DZIP1: variants seen among roughly 807,000 people sequenced by gnomAD.
The protein encoded by DZIP1 is DAZ interacting zinc finger protein 1.
A neutral mutation model predicts 107.6 loss-of-function variants in DZIP1; 97 were observed. The observed-to-expected ratio is 0.90, with a 90% CI of 0.77 to 1.07. The LOEUF (loss-of-function observed/expected upper bound fraction) is 1.07. Ranked by LOEUF, DZIP1 falls within the 50% of genes least tolerant of loss-of-function variation. The pLI is 0.00. For synonymous variants in DZIP1, 390 were observed against 386.4 expected (o/e 1.01, Z -0.11); for missense variants, 1,035 against 1,063.6 (o/e 0.97, Z 0.37).
chr13:95,610,111 T>TGTGTGTGTGTGAGAGAGA lies in DZIP1; in HGVS notation c.1364-599_1364-598insTCTCTCTCACACACACAC, dbSNP rs368276400. Among the ~76,000 whole-genome samples the TGTGTGTGTGTGAGAGAGA allele has an allele frequency of 1.0e-4, 13 of 126,770 alleles. 1 individual carries two copies. Among genetic ancestry groups the TGTGTGTGTGTGAGAGAGA allele is most frequent in the African/African-American group, 2.9e-4 (10 of 34,296 alleles). The allele number at this position is 126,770 out of a possible 152,430, so 83.2% of individuals were successfully genotyped here. A position where few individuals can be genotyped will look rare whatever the true frequency, so the allele number is the denominator to read the frequency against. Reference sequence around the variant, plus strand: ...GTGTGTGTGTGTGTGTGTGTGTGTGTGAGAGAGAGACAGAGAGAGAGAGAC... The same window carrying TGTGTGTGTGTGAGAGAGA: ...GTGTGTGTGTGTGTGTGTGTGTGTGTGTGTGTGTGTGAGAGAGAGAGAGAGAGACAGAGAGAGAGAGAC... On this transcript the variant is annotated intron_variant, in intron 12 of 22. Transcript: ENST00000376829.
At position 95,641,320 on chromosome 13, in the gene DZIP1, A is replaced by G. The variant is rs1878457748; in HGVS notation, c.572T>C (p.Ile191Thr). The G allele has an allele frequency of 6.3e-7, 1 of 1,599,644 alleles. No homozygotes were observed. Among genetic ancestry groups the G allele is most frequent in the Non-Finnish European group, 8.6e-7 (1 of 1,169,364 alleles). ...KKMISTQQLM[I>T]EAKANYYQCH... ...CTGGTAATAGTTGGCTTTGGCCTCG[A>G]TCATCAGCTGCTGGGTGGAGATCAT... Residue 191 changes from isoleucine to threonine, a missense_variant, in exon 5 of 23, where the codon ATC becomes ACC. Ile to Thr is a moderately conservative substitution (Grantham distance 89). Coordinates refer to ENST00000376829, the MANE Select transcript of DZIP1 (RefSeq NM_198968.4). This position sits in a 1 kb window ranked among gnomAD's most constrained non-coding sequence, Gnocchi z 4.3.
chr13:95,595,752 C>T (rs1253362566), intron 15 of DZIP1, among the ~76,000 whole-genome samples: 15 of 151,934 alleles, frequency 9.9e-5, no homozygotes, highest in Non-Finnish European at 4.4e-5. Context: ...ACTCTTTTGG[C>T]CAATATCTCA....
At chr13:95,587,876 G>C (rs2044205885) in intron 19 of DZIP1, 147 bp from the exon 20 acceptor site, 1 of 982,706 alleles carries the variant, frequency 1.0e-6, no homozygotes, top group Non-Finnish European at 1.5e-6. Context: ...GGCCAAGATG[G>C]CGGCGAGGCC....
chr13:95,612,745 T>A (rs1047443069), intron 10 of DZIP1, among the ~76,000 whole-genome samples: 4 of 152,048 alleles, frequency 2.6e-5, no homozygotes, highest in African/African-American at 9.7e-5. Flanking sequence ...CAACCATACC[T>A]GGCTAAATTT....
At chr13:95,611,674 C>A (rs1309136441) in intron 11 of DZIP1, among the ~76,000 whole-genome samples, 181 bp from the exon 12 acceptor site, 1 of 152,138 alleles carries the variant, frequency 6.6e-6, no homozygotes, top group East Asian at 1.9e-4. Context: ...CACCATCACA[C>A]AATATATTCA....
At chr13:95,599,448 C>G in intron 14 of DZIP1, 24 bp from the exon 15 acceptor site, 2 of 1,579,882 alleles carry the variant, frequency 1.3e-6, no homozygotes, top group South Asian at 2.2e-5. Flanking sequence ...AAAATAAGAA[C>G]AGTACAAACA....
intron 5 of DZIP1, among the ~76,000 whole-genome samples, chr13:95,639,069 C>T (rs1443248261): frequency 6.6e-6 from 1 of 152,184 alleles, no homozygotes; most frequent in Non-Finnish European, 1.5e-5. Context: ...TAACTAACTA[C>T]ATGCCAAGCA....
intron 7 of DZIP1, among the ~76,000 whole-genome samples, chr13:95,625,382 A>G (rs900144848): frequency 6.6e-6 from 1 of 152,192 alleles, no homozygotes; most frequent in Non-Finnish European, 1.5e-5. Context: ...TTTCTCAATG[A>G]CCTTCAGGGT....
chr13:95,589,909 C>A lies in DZIP1; in HGVS notation c.1867G>T (p.Asp623Tyr). ...GGTACTTCTCCAGTTGAAAGGGTAT[C>A]CATTTGAGAAACACTGCACTGATCT... is the stretch of plus-strand genomic sequence containing the variant. ...SSDQCSVSQM[D>Y]TLSTGEVPKM... Residue 623 changes from aspartate (D) to tyrosine (Y), a missense_variant, in exon 18 of 23, where the codon GAT becomes TAT. Asp to Tyr is a radical substitution (Grantham distance 160). Transcript: ENST00000376829. 1 of 1,614,050 alleles carries A rather than the reference C, an allele frequency of 6.2e-7. No homozygotes were observed. Among genetic ancestry groups the A allele is most frequent in the Non-Finnish European group, 8.5e-7 (1 of 1,179,986 alleles).
chr13:95,601,772 ACTTCTCCAAAT>A (rs2138983871), intron 14 of DZIP1, among the ~76,000 whole-genome samples: 1 of 152,166 alleles, frequency 6.6e-6, no homozygotes, highest in South Asian at 2.1e-4. Context: ...TGTCTTTCTG[ACTTCTCCAAAT>A]GCCACCGCTG....
chr13:95,621,593 A>T (rs1269798103), intron 9 of DZIP1, among the ~76,000 whole-genome samples: 1 of 151,704 alleles, frequency 6.6e-6, no homozygotes, highest in African/African-American at 2.4e-5. Flanking sequence ...TTGTTCCCCT[A>T]AACCGCTGTC....
Position 95,581,689 on chromosome 13 carries a change from T to C in DZIP1, c.*545A>G, listed in dbSNP as rs1407276761. On this transcript the variant is annotated 3_prime_UTR_variant, in exon 23 of 23. Coordinates refer to ENST00000376829, the MANE Select transcript of DZIP1 (RefSeq NM_198968.4). ...CTCCCACCTCAGCCTCCCAAGTAGCTGGGATTAAAGGTGAACACCACCACA... is the reference window on the plus strand; with the variant it reads ...CTCCCACCTCAGCCTCCCAAGTAGCCGGGATTAAAGGTGAACACCACCACA... 6.6e-6 allele frequency: 1 copy of C among 152,240 alleles called. No individual in the cohort carries two copies. Among genetic ancestry groups the C allele is most frequent in the East Asian group, 1.9e-4 (1 of 5,194 alleles). 9.4% of individuals were successfully genotyped at this position (152,240 alleles called of 1,614,324 possible). A position where few individuals can be genotyped will look rare whatever the true frequency, so the allele number is the denominator to read the frequency against.
At chr13:95,618,398 G>A (rs551148145) in intron 10 of DZIP1, among the ~76,000 whole-genome samples, 1 of 152,148 alleles carries the variant, frequency 6.6e-6, no homozygotes, top group African/African-American at 2.4e-5. Flanking sequence ...TGTATTGGGT[G>A]TATGTCTGTG....
chr13:95,589,664 A>T lies in DZIP1; in HGVS notation c.1973+139T>A, dbSNP rs996073199. 5 of 1,146,728 alleles carry T rather than the reference A, an allele frequency of 4.4e-6. No homozygotes were observed. The African/African-American group carries it at 6.3e-5, about 14-fold the overall frequency. The allele number at this position is 1,146,728 out of a possible 1,614,324, so 71.0% of individuals were successfully genotyped here. A position where few individuals can be genotyped will look rare whatever the true frequency, so the allele number is the denominator to read the frequency against. On this transcript the variant is annotated intron_variant, in intron 18 of 22. Transcript: ENST00000376829. ...TTCACCGGAACCTGACTATACTGGC[A>T]TCCTGATCTTGGACTTTCAGCCTCC...
intron 14 of DZIP1, among the ~76,000 whole-genome samples, chr13:95,600,625 T>TAGGTAGACAGAC (rs2044593142): frequency 8.0e-6 from 1 of 125,208 alleles, no homozygotes; most frequent in Admixed American, 8.0e-5. Flanking sequence ...GATAGATAGA[T>TAGGTAGACAGAC]AGATAGACAG....
intron 5 of DZIP1, among the ~76,000 whole-genome samples, chr13:95,634,479 A>T (rs1297282248): frequency 6.6e-6 from 1 of 152,238 alleles, no homozygotes. Flanking sequence ...TCCCCAGAAC[A>T]CAGGCTTAAT....
chr13:95,617,997 C>T (rs746337241), intron 10 of DZIP1: 3 of 518,922 alleles, frequency 5.8e-6, no homozygotes, highest in Non-Finnish European at 7.7e-6. Flanking sequence ...CCAAGAACTT[C>T]ATCTTAGGCA....
intron 10 of DZIP1, among the ~76,000 whole-genome samples, chr13:95,612,630 G>A (rs991086923): frequency 6.6e-6 from 1 of 152,064 alleles, no homozygotes; most frequent in Non-Finnish European, 1.5e-5. Context: ...TGTCACCCAG[G>A]CTGGAGTGCA....
At chr13:95,631,630 C>T (rs902384553) in intron 6 of DZIP1, among the ~76,000 whole-genome samples, 6 of 152,130 alleles carry the variant, frequency 3.9e-5, no homozygotes, top group African/African-American at 1.4e-4. Flanking sequence ...TCAGAGTCCC[C>T]TCCCCTCTCT....
Sources: gnomAD v4.1 joint callset for allele counts (sites outside exome capture counted in the v4.1 genomes callset) on GRCh38, gnomAD v4.1.1 for gene constraint, Gnocchi (gnomAD v3.1) non-coding constraint, MANE v1.5 for transcripts, NCBI Gene and HGNC (gene_info 2026-07-23, HGNC 2026-07-21) for gene names.